Variants in RIT2 observed in about 807,000 individuals in gnomAD.
The protein encoded by RIT2 is GTP-binding protein Rit2.
In RIT2, 24 loss-of-function variants were observed where a neutral mutation model predicts 23.7. The observed-to-expected ratio is 1.01, with a 90% CI of 0.73 to 1.43. The LOEUF is 1.43. RIT2 is among the 40% of genes most tolerant of loss of function. RIT2 has a pLI of 0.00. For missense variants in RIT2, 236 were observed against 266.9 expected (o/e 0.88, Z 0.81); for synonymous variants, 107 against 91.1 (o/e 1.17, Z -0.99).
At chr18:43,111,739 T>C (rs983946753) in intron 1 of RIT2, among the ~76,000 whole-genome samples, 1 of 152,178 alleles carries the variant, frequency 6.6e-6, no homozygotes, top group African/African-American at 2.4e-5. Context: ...TCTGTTACTT[T>C]GTATGGTGCA....
chr18:42,790,553 C>T (rs1009378055), intron 4 of RIT2, among the ~76,000 whole-genome samples: 1 of 152,154 alleles, frequency 6.6e-6, no homozygotes, highest in Non-Finnish European at 1.5e-5. Context: ...AGCAGCCTAC[C>T]GAGTAGCTGG....
At chr18:42,850,076 CGTGTGTGTGTGTGTGT>C (rs60962443) in intron 4 of RIT2, among the ~76,000 whole-genome samples, 1 of 142,660 alleles carries the variant, frequency 7.0e-6, no homozygotes, top group Non-Finnish European at 1.5e-5. Context: ...AAAATACACC[CGTGTGTGTGTGTGTGT>C]GTGTGTGTGT....
At chr18:42,906,225 G>T (rs939771124) in intron 4 of RIT2, among the ~76,000 whole-genome samples, 3 of 151,712 alleles carry the variant, frequency 2.0e-5, no homozygotes, top group Admixed American at 1.3e-4. Context: ...TATATGCTCT[G>T]CCCATTATTA....
At chr18:43,058,036 G>A (rs935598889) in intron 1 of RIT2, among the ~76,000 whole-genome samples, 4 of 151,976 alleles carry the variant, frequency 2.6e-5, no homozygotes, top group African/African-American at 7.2e-5. Context: ...CATAGCATCT[G>A]GTAAATGTAT....
At chr18:43,079,114 G>A (rs1460763982) in intron 1 of RIT2, among the ~76,000 whole-genome samples, 8 of 152,094 alleles carry the variant, frequency 5.3e-5, no homozygotes, top group Non-Finnish European at 1.0e-4. Flanking sequence ...ATTGTTCAAC[G>A]TAGTAGCAAA....
At chr18:43,065,223 T>A (rs1159100949) in intron 1 of RIT2, among the ~76,000 whole-genome samples, 20 of 142,214 alleles carry the variant, frequency 1.4e-4, no homozygotes, top group African/African-American at 4.7e-4. Flanking sequence ...TTTGGGTTTT[T>A]TTTTTTTTTT....
chr18:43,031,251 A>G (rs1022769267), intron 2 of RIT2, among the ~76,000 whole-genome samples: 1 of 151,696 alleles, frequency 6.6e-6, no homozygotes, highest in Non-Finnish European at 1.5e-5. Flanking sequence ...ATGACACAAA[A>G]TTATGGCAGG....
intron 1 of RIT2, among the ~76,000 whole-genome samples, chr18:43,104,381 T>C (rs2144242679): frequency 6.6e-6 from 1 of 152,290 alleles, no homozygotes; most frequent in African/African-American, 2.4e-5. Context: ...ATGAATGTGG[T>C]TGGCTATAAT....
chr18:43,043,508 T>C (rs1272664539), intron 1 of RIT2, among the ~76,000 whole-genome samples: 2 of 152,006 alleles, frequency 1.3e-5, no homozygotes, highest in Non-Finnish European at 2.9e-5. Flanking sequence ...GCAGGGAGAC[T>C]GGGCTGGGCC....
intron 1 of RIT2, among the ~76,000 whole-genome samples, chr18:43,044,323 G>C (rs1302003764): frequency 6.6e-6 from 1 of 152,060 alleles, no homozygotes; most frequent in Non-Finnish European, 1.5e-5. Flanking sequence ...TACAATGAAA[G>C]AAGTTCTCCT....
chr18:42,825,062 C>T (rs921015184), intron 4 of RIT2, among the ~76,000 whole-genome samples: 1 of 151,726 alleles, frequency 6.6e-6, no homozygotes, highest in African/African-American at 2.4e-5. Flanking sequence ...ATTCATTAAT[C>T]TATTTAGTCA....
intron 1 of RIT2, among the ~76,000 whole-genome samples, chr18:43,034,424 T>C (rs1222814932): frequency 6.6e-6 from 1 of 152,190 alleles, no homozygotes; most frequent in Non-Finnish European, 1.5e-5. Context: ...CATTACTTTT[T>C]TTCTGTAATT....
intron 1 of RIT2, among the ~76,000 whole-genome samples, chr18:43,043,852 A>T (rs1912186224): frequency 6.6e-6 from 1 of 152,176 alleles, no homozygotes; most frequent in Admixed American, 6.5e-5. Flanking sequence ...AATAAAAGAA[A>T]GCAGGGAGAG....
intron 1 of RIT2, among the ~76,000 whole-genome samples, chr18:43,083,174 G>A (rs1913198244): frequency 6.6e-6 from 1 of 152,128 alleles, no homozygotes; most frequent in African/African-American, 2.4e-5. Flanking sequence ...AACTACAAGG[G>A]ACGTGAAGGA....
intron 4 of RIT2, among the ~76,000 whole-genome samples, chr18:42,780,960 G>A (rs1049707753): frequency 1.3e-5 from 2 of 151,848 alleles, no homozygotes; most frequent in African/African-American, 2.4e-5. Flanking sequence ...TTATATATGA[G>A]GAAACTGAGG....
intron 2 of RIT2, among the ~76,000 whole-genome samples, chr18:42,989,785 T>G (rs1910796889): frequency 6.6e-6 from 1 of 152,150 alleles, no homozygotes. Flanking sequence ...GTGGCCTTTT[T>G]GATTAGATGA....
chr18:42,988,216 T>C (rs1202200710), intron 2 of RIT2, among the ~76,000 whole-genome samples: 1 of 151,278 alleles, frequency 6.6e-6, no homozygotes, highest in Admixed American at 6.6e-5. Context: ...TACTTTACTT[T>C]AAAAAAAAAG....
intron 4 of RIT2, among the ~76,000 whole-genome samples, chr18:42,756,098 G>A (rs895782700): frequency 6.6e-6 from 1 of 152,096 alleles, no homozygotes. Context: ...AGAGCACAAG[G>A]GAGAAGAAGT....
At chr18:42,914,559 A>G (rs1908853191) in intron 4 of RIT2, among the ~76,000 whole-genome samples, 1 of 152,116 alleles carries the variant, frequency 6.6e-6, no homozygotes, top group South Asian at 2.1e-4. Flanking sequence ...CATTTCATTT[A>G]TATAATAATC....
Sources: gnomAD v4.1 joint callset for allele counts (sites outside exome capture counted in the v4.1 genomes callset) on GRCh38, gnomAD v4.1.1 for gene constraint, MANE v1.5 for transcripts, NCBI Gene and HGNC (gene_info 2026-07-23, HGNC 2026-07-21) for gene names.